RORA: variants seen among roughly 807,000 people sequenced by gnomAD.
RORA encodes nuclear receptor ROR-alpha.
Under a neutral mutation model 69.5 loss-of-function variants are expected in RORA, and 7 were observed. The ratio of observed to expected loss-of-function variants is 0.10; its 90% confidence interval spans 0.06 to 0.19. RORA has a LOEUF of 0.19. Among genes scored for constraint, RORA ranks in the 10% least tolerant of loss-of-function variants. The pLI is 1.00. For synonymous variants in RORA, 261 were observed against 240.8 expected, an observed-to-expected ratio of 1.08 and a Z score of -0.78; for missense variants, 457 against 663.0, an observed-to-expected ratio of 0.69 and a Z score of 3.41.
chr15:60,580,530 T>C (rs2068161559), intron 2 of RORA, among the ~76,000 whole-genome samples: 1 of 152,232 alleles, frequency 6.6e-6, no homozygotes, highest in Admixed American at 6.5e-5. Flanking sequence ...TAGAATTCAC[T>C]ACTCAAGGAA....
At chr15:61,149,503 T>A (rs907736381) in intron 1 of RORA, among the ~76,000 whole-genome samples, 1 of 152,204 alleles carries the variant, frequency 6.6e-6, no homozygotes, top group Non-Finnish European at 1.5e-5. Flanking sequence ...CCTTCTTATT[T>A]ATTTATTTAT....
At chr15:60,749,280 T>A (rs1205870437) in intron 1 of RORA, among the ~76,000 whole-genome samples, 1 of 152,250 alleles carries the variant, frequency 6.6e-6, no homozygotes, top group Non-Finnish European at 1.5e-5. Context: ...CCATTAATTC[T>A]TCCAGTAAAT....
At chr15:60,841,128 T>C (rs1232562490) in intron 1 of RORA, 1 of 975,268 alleles carries the variant, frequency 1.0e-6, no homozygotes, top group African/African-American at 1.8e-5. Context: ...GGAAACAACT[T>C]TTTCTTGTTT....
intron 2 of RORA, among the ~76,000 whole-genome samples, chr15:60,657,895 C>T (rs973840915): frequency 2.6e-5 from 4 of 152,138 alleles, no homozygotes; most frequent in East Asian, 3.9e-4. Flanking sequence ...GCCAACACTT[C>T]ATCCACGGTG....
intron 3 of RORA, among the ~76,000 whole-genome samples, chr15:60,526,800 A>G (rs1236032979): frequency 2.6e-5 from 4 of 152,234 alleles, no homozygotes; most frequent in Non-Finnish European, 4.4e-5. Context: ...AACTGAGATA[A>G]TAATATTAGA....
intron 1 of RORA, among the ~76,000 whole-genome samples, chr15:61,142,795 C>T (rs2079312329): frequency 6.6e-6 from 1 of 152,044 alleles, no homozygotes; most frequent in African/African-American, 2.4e-5. Flanking sequence ...AAGCATTCGA[C>T]AAAATCAAAA....
intron 1 of RORA, among the ~76,000 whole-genome samples, chr15:60,744,421 G>A (rs2071619857): frequency 6.6e-6 from 1 of 152,182 alleles, no homozygotes; most frequent in Non-Finnish European, 1.5e-5. Flanking sequence ...CCATGTAGCT[G>A]ATTCGGTTAT....
At chr15:60,875,370 T>G (rs1348224969) in intron 1 of RORA, among the ~76,000 whole-genome samples, 1 of 152,172 alleles carries the variant, frequency 6.6e-6, no homozygotes, top group South Asian at 2.1e-4. Flanking sequence ...CCTATACAAT[T>G]TAATGTTCAA....
chr15:60,741,541 A>G (rs1158077183), intron 1 of RORA, among the ~76,000 whole-genome samples: 1 of 152,164 alleles, frequency 6.6e-6, no homozygotes, highest in Non-Finnish European at 1.5e-5. Flanking sequence ...AAATTCTCAG[A>G]GGGTTGTGTT....
At chr15:61,014,235 C>T (rs547082424) in intron 1 of RORA, among the ~76,000 whole-genome samples, 24 of 152,286 alleles carry the variant, frequency 1.6e-4, no homozygotes, top group African/African-American at 5.5e-4. Context: ...AAAATGAGAG[C>T]ACAAATTATA....
chr15:60,797,282 T>C (rs1272579753), intron 1 of RORA, among the ~76,000 whole-genome samples: 1 of 152,042 alleles, frequency 6.6e-6, no homozygotes, highest in Non-Finnish European at 1.5e-5. Flanking sequence ...ACATTATGTG[T>C]ATTATACCAT....
intron 1 of RORA, among the ~76,000 whole-genome samples, chr15:60,681,177 GCAGAAAACATCCTTTTCATTTCA>G (rs1297479409): frequency 1.3e-5 from 2 of 152,100 alleles, no homozygotes; most frequent in African/African-American, 2.4e-5. Context: ...ACCAAAAAAA[GCAGAAAACATCCTTTTCATTTCA>G]CAGATGGGGA....
intron 1 of RORA, among the ~76,000 whole-genome samples, chr15:60,982,382 A>T (rs1392682137): frequency 6.6e-6 from 1 of 152,232 alleles, no homozygotes; most frequent in Non-Finnish European, 1.5e-5. Flanking sequence ...ACAGCATGTC[A>T]TTCCCTAGAC....
intron 1 of RORA, among the ~76,000 whole-genome samples, chr15:61,102,913 GTACTTTGTT>G (rs141527494): frequency 0.25 from 38,264 of 151,908 alleles, 5,477 homozygotes; most frequent in Non-Finnish European, 0.34. Context: ...AGAAACTCCA[GTACTTTGTT>G]TAAGAATCAT....
At chr15:60,627,629 C>G in intron 2 of RORA, 1 of 658,612 alleles carries the variant, frequency 1.5e-6, no homozygotes, top group Non-Finnish European at 1.9e-6. Flanking sequence ...CCTCTCTTTT[C>G]TTTTCTTTCT....
rs2066517171 is a variant in RORA, at chr15:60,531,230, T to C, written c.282+536A>G. ...GAAAGATCAGGTGTTATACCCACTTTAAAAATGAAGCAACTGAGTGACAAA... is the reference window on the plus strand; with the variant it reads ...GAAAGATCAGGTGTTATACCCACTTCAAAAATGAAGCAACTGAGTGACAAA... On this transcript the variant is annotated intron_variant, in intron 3 of 10. Transcript: ENST00000335670. This position sits in a 1 kb window ranked among gnomAD's most constrained non-coding sequence, Gnocchi z 4.8. The C allele has an allele frequency of 6.5e-6, 1 of 153,284 alleles. No individual in the cohort carries two copies. The highest frequency in any genetic ancestry group is 1.5e-5 in the Non-Finnish European group (1 of 68,900). The allele number at this position is 153,284 out of a possible 1,614,324, so 9.5% of individuals were successfully genotyped here.
intron 2 of RORA, among the ~76,000 whole-genome samples, chr15:60,612,162 T>C (rs2140586554): frequency 6.6e-6 from 1 of 152,356 alleles, no homozygotes; most frequent in South Asian, 2.1e-4. Context: ...CATTGGAAAC[T>C]AACATACAAC....
intron 1 of RORA, among the ~76,000 whole-genome samples, chr15:60,785,348 G>A (rs2072320105): frequency 6.6e-6 from 1 of 152,172 alleles, no homozygotes; most frequent in Non-Finnish European, 1.5e-5. Flanking sequence ...AACAAAGAAG[G>A]AGAAACTTTC....
At chr15:60,939,773 C>G (rs997336728) in intron 1 of RORA, among the ~76,000 whole-genome samples, 1 of 152,188 alleles carries the variant, frequency 6.6e-6, no homozygotes, top group Non-Finnish European at 1.5e-5. Flanking sequence ...GCCCTGTACC[C>G]CTGCAATGTT....
Sources: gnomAD v4.1 joint callset for allele counts (sites outside exome capture counted in the v4.1 genomes callset) on GRCh38, gnomAD v4.1.1 for gene constraint, Gnocchi (gnomAD v3.1) non-coding constraint, MANE v1.5 for transcripts, NCBI Gene and HGNC (gene_info 2026-07-23, HGNC 2026-07-21) for gene names.